DCAF10: variants seen among roughly 807,000 people sequenced by gnomAD.
DCAF10 encodes DDB1- and CUL4-associated factor 10.
Under a neutral mutation model 51.9 loss-of-function variants are expected in DCAF10, and 19 were observed. The ratio of observed to expected loss-of-function variants is 0.37; its 90% CI spans 0.26 to 0.54. DCAF10 has a LOEUF of 0.54. Among genes scored for constraint, DCAF10 ranks in the 20% least tolerant of loss-of-function variants. The pLI is 0.87. For missense variants in DCAF10, 510 were observed against 730.6 expected (o/e 0.70, Z 3.48); for synonymous variants, 291 against 297.1 (o/e 0.98, Z 0.21).
intron 1 of DCAF10, among the ~76,000 whole-genome samples, chr9:37,813,879 T>C (rs1244914011): frequency 6.6e-6 from 1 of 151,716 alleles, no homozygotes; most frequent in Non-Finnish European, 1.5e-5. Context: ...ATTTGTGCAA[T>C]TGCAGCTGAA....
rs749797799 is a variant in DCAF10 at position 37,842,301 on chromosome 9, G to A, written c.851+15G>A. The stretch of plus-strand genomic sequence containing the variant: ...GACACTAACAGGTTTGTGAATAGGA[G>A]ACCATGTTAGGATTATGAACAAAAA... On this transcript the variant is annotated intron_variant, in intron 3 of 6. Coordinates refer to ENST00000377724, the MANE Select transcript of DCAF10 (RefSeq NM_024345.5). The A allele has an allele frequency of 3.1e-6, 5 of 1,607,662 alleles. No homozygotes were observed. The African/African-American group carries it at 6.7e-5, about 22-fold the overall frequency.
Position 37,842,167 on chromosome 9 carries a change from C to G in DCAF10, c.732C>G (p.Thr244=). 6.2e-7 allele frequency: 1 copy of G among 1,613,866 alleles called. No homozygotes were observed. The highest frequency in any genetic ancestry group is 8.5e-7 in the Non-Finnish European group (1 of 1,179,916). The change falls in exon 3 of 7, where the codon ACC becomes ACG. Residue 244 remains threonine, a synonymous_variant. Coordinates refer to ENST00000377724, the MANE Select transcript of DCAF10 (RefSeq NM_024345.5). ...TATGGGATCTGAGAAAATTGAACAC[C>G]AAAGTATGCACTTTACATGGTCACA... ...IALWDLRKLN[T]KVCTLHGHTS... is the part of the protein sequence containing the mutation.
intron 1 of DCAF10, among the ~76,000 whole-genome samples, chr9:37,813,050 G>A (rs1829401976): frequency 6.6e-6 from 1 of 152,122 alleles, no homozygotes; most frequent in Non-Finnish European, 1.5e-5. Context: ...TAAAAGAAGA[G>A]TAAAAATATA....
intron 3 of DCAF10, among the ~76,000 whole-genome samples, chr9:37,843,300 G>C (rs1199024134): frequency 6.6e-6 from 1 of 152,194 alleles, no homozygotes; most frequent in Admixed American, 6.5e-5. Flanking sequence ...ACAGGCATGA[G>C]CCACTGTGTG....
At position 37,835,567 on chromosome 9, in the gene DCAF10, G is replaced by C. The variant is rs1276507529; in HGVS notation, c.654-6522G>C. On this transcript the variant is annotated intron_variant, in intron 2 of 6. Coordinates refer to ENST00000377724, the MANE Select transcript of DCAF10 (RefSeq NM_024345.5). Reference sequence around the variant, plus strand: ...CACTCCAGCCTGGGAGACAGAGTGAGACTCCGTCCAAAAAAAAAAAGTTAC... The same window carrying C: ...CACTCCAGCCTGGGAGACAGAGTGACACTCCGTCCAAAAAAAAAAAGTTAC... 3.3e-5 allele frequency among the ~76,000 whole-genome samples: 5 copies of C among 151,254 alleles called. No homozygotes were observed. The East Asian group carries it at 9.8e-4, about 30-fold the overall frequency.
intron 2 of DCAF10, among the ~76,000 whole-genome samples, chr9:37,830,924 C>CA (rs1474301538): frequency 6.6e-6 from 1 of 152,194 alleles, no homozygotes; most frequent in Non-Finnish European, 1.5e-5. Context: ...TAGAAGTATA[C>CA]ATAACTTAAG....
In DCAF10 at chr9:37,811,979, G is replaced by A. The variant is rs1829361262; in HGVS notation, c.540-7309G>A. On this transcript the variant is annotated intron_variant, in intron 1 of 6. Coordinates refer to ENST00000377724, the MANE Select transcript of DCAF10 (RefSeq NM_024345.5). ...AGGTAGTTGGATCTCTTGAGCTCAG[G>A]AGTTTGAGACCAGCCCGGCCAACAT... Among the ~76,000 whole-genome samples the A allele has an allele frequency of 2.0e-5, 3 of 152,188 alleles. No homozygotes were observed. In the South Asian group the frequency reaches 6.2e-4, roughly 32 times the overall value.
chr9:37,800,684 C>T (rs1490675488), upstream of DCAF10: 1 of 1,536,052 alleles, frequency 6.5e-7, no homozygotes, highest in Non-Finnish European at 8.7e-7. Context: ...CCCGGGACTG[C>T]GGCGCCCCAA....
chr9:37,817,047 A>G (rs1438425181), intron 1 of DCAF10, among the ~76,000 whole-genome samples: 6 of 152,220 alleles, frequency 3.9e-5, no homozygotes, highest in African/African-American at 9.6e-5. Flanking sequence ...GTGATGTTGC[A>G]TAGAATACCA....
At chr9:37,850,864 A>ATG (rs1830624993) in intron 3 of DCAF10, among the ~76,000 whole-genome samples, 1 of 83,562 alleles carries the variant, frequency 1.2e-5, no homozygotes, top group African/African-American at 4.8e-5. Flanking sequence ...ATATATATAT[A>ATG]TATATATATA....
chr9:37,836,043 G>C, intron 2 of DCAF10: 1 of 1,095,452 alleles, frequency 9.1e-7, no homozygotes, highest in South Asian at 1.2e-5. Flanking sequence ...GCGCCGCCAC[G>C]GTAAGGCTGT....
chr9:37,837,529 A>G (rs2118002310), intron 2 of DCAF10, among the ~76,000 whole-genome samples: 1 of 151,724 alleles, frequency 6.6e-6, no homozygotes, highest in East Asian at 1.9e-4. Flanking sequence ...TAAGCTTCTC[A>G]TTGATAAGCC....
rs1166849135 is a variant in DCAF10 at position 37,863,560 on chromosome 9, C to T, written c.*2052C>T. ...GAGTTAGGACTTGAATTCCAGTCTT[C>T]TAATTCCTTGGTCAGGGCAATTTCT... On this transcript the variant is annotated 3_prime_UTR_variant, in exon 7 of 7. Coordinates refer to ENST00000377724, the MANE Select transcript of DCAF10 (RefSeq NM_024345.5). 6.6e-6 allele frequency: 1 copy of T among 152,096 alleles called. No homozygotes were observed. Among genetic ancestry groups the T allele is most frequent in the Non-Finnish European group, 1.5e-5 (1 of 68,016 alleles). The allele number at this position is 152,096 out of a possible 1,614,324, so 9.4% of individuals were successfully genotyped here. A position where few individuals can be genotyped will look rare whatever the true frequency, so the allele number is the denominator to read the frequency against.
At chr9:37,858,905 AC>A (rs1230202760) in intron 5 of DCAF10, among the ~76,000 whole-genome samples, 2 of 146,334 alleles carry the variant, frequency 1.4e-5, no homozygotes, top group African/African-American at 5.1e-5. Context: ...AGCCTTCCCC[AC>A]TCCATCTACA....
rs545510071 is a variant in DCAF10 at position 37,843,405 on chromosome 9, G to T, written c.851+1119G>T. Among the ~76,000 whole-genome samples, 7 of 152,250 alleles carry T rather than the reference G, an allele frequency of 4.6e-5. No individual in the cohort carries two copies. The South Asian group carries it at 1.5e-3, about 32-fold the overall frequency. On this transcript the variant is annotated intron_variant, in intron 3 of 6. Coordinates refer to ENST00000377724, the MANE Select transcript of DCAF10 (RefSeq NM_024345.5). ...TCTAGCTACCCATACTCTTTGAGTG[G>T]AAGGCAAAAACTATTGGTTATCTTT...
At chr9:37,814,601 CAG>C (rs1829473541) in intron 1 of DCAF10, among the ~76,000 whole-genome samples, 1 of 151,966 alleles carries the variant, frequency 6.6e-6, no homozygotes, top group African/African-American at 2.4e-5. Context: ...AAAATAGAAA[CAG>C]AGGATATTGT....
At position 37,829,663 on chromosome 9, in the gene DCAF10, G is replaced by C. The variant is rs1405547437; in HGVS notation, c.653+10262G>C. The stretch of plus-strand genomic sequence containing the variant: ...AAGTATAAATTTATAACATTATTTT[G>C]AAGAGCAGTTGAGCAATATATGGTA... On this transcript the variant is annotated intron_variant, in intron 2 of 6. Transcript: ENST00000377724. The surrounding 1 kb of genome is among the most constrained non-coding windows in gnomAD (Gnocchi z 4.2). Among the ~76,000 whole-genome samples the C allele has an allele frequency of 6.6e-6, 1 of 152,082 alleles. No individual in the cohort carries two copies. The highest frequency in any genetic ancestry group is 6.6e-5 in the Admixed American group (1 of 15,250).
At chr9:37,832,613 C>G (rs1830040752) in intron 2 of DCAF10, among the ~76,000 whole-genome samples, 1 of 152,078 alleles carries the variant, frequency 6.6e-6, no homozygotes, top group Admixed American at 6.6e-5. Context: ...TCTTATCTTA[C>G]AAAGGATGCA....
chr9:37,847,300 TAA>T (rs369533909), intron 3 of DCAF10, among the ~76,000 whole-genome samples: 5 of 107,408 alleles, frequency 4.7e-5, no homozygotes, highest in African/African-American at 1.3e-4. Flanking sequence ...CAAATATTCC[TAA>T]AAAAAAAAAG....
Sources: gnomAD v4.1 joint callset for allele counts (sites outside exome capture counted in the v4.1 genomes callset) on GRCh38, gnomAD v4.1.1 for gene constraint, Gnocchi (gnomAD v3.1) non-coding constraint, MANE v1.5 for transcripts, NCBI Gene and HGNC (gene_info 2026-07-23, HGNC 2026-07-21) for gene names.